Variants in BMP8A observed in about 807,000 individuals in gnomAD.
The protein encoded by BMP8A is bone morphogenetic protein 8a, also known as BMP-8A.
BMP8A carries 14 observed loss-of-function variants against 36.8 expected under a neutral mutation model. That is an observed-to-expected ratio of 0.38 (90% CI 0.25 to 0.60). The LOEUF (loss-of-function observed/expected upper bound fraction) is 0.60, where lower values mean the gene tolerates loss of function less well. Ranked by LOEUF, BMP8A falls within the 20% of genes least tolerant of loss-of-function variation. The pLI is 0.63. For synonymous variants in BMP8A, 120 were observed against 237.7 expected (o/e 0.50, Z 4.55); for missense variants, 267 against 551.1 (o/e 0.48, Z 5.16).
intron 1 of BMP8A, among the ~76,000 whole-genome samples, chr1:39,503,586 G>A (rs1645272390): frequency 7.1e-6 from 1 of 141,004 alleles, no homozygotes; most frequent in Non-Finnish European, 1.5e-5. Context: ...GCAATCTTGG[G>A]TCACTGCAAC....
At chr1:39,508,037 A>G (rs1247027634) in intron 1 of BMP8A, among the ~76,000 whole-genome samples, 2 of 152,138 alleles carry the variant, frequency 1.3e-5, no homozygotes, top group Non-Finnish European at 2.9e-5. Context: ...AGATCACAAG[A>G]TCAGGAGATC....
At chr1:39,497,884 G>C (rs1397873597) in intron 1 of BMP8A, among the ~76,000 whole-genome samples, 1 of 152,180 alleles carries the variant, frequency 6.6e-6, no homozygotes, top group East Asian at 1.9e-4. Flanking sequence ...GCCAACAATG[G>C]GTGCCATAGC....
rs910254475 is a variant in BMP8A at position 39,523,643 on chromosome 1, T to C, written c.1059+526T>C. On this transcript the variant is annotated intron_variant, in intron 6 of 6. Transcript: ENST00000331593. ...TTTTTCCCGCAGTTTCTCTCTTGGC[T>C]GTCTGTGTTTTCTCTGGATCCCCTG... 207 of 1,451,882 alleles carry C rather than the reference T, an allele frequency of 1.4e-4. 2 individuals are homozygous for C. The highest frequency in any genetic ancestry group is 5.4e-4 in the Middle Eastern group (3 of 5,582). 89.9% of individuals were successfully genotyped at this position (1,451,882 alleles called of 1,614,324 possible).
At position 39,491,997 on chromosome 1, in the gene BMP8A, C is replaced by G. The variant is rs148153508; in HGVS notation, c.6C>G (p.Ala2=). Residue 2 remains alanine, a synonymous_variant, in exon 1 of 7, where the codon GCC becomes GCG. Transcript: ENST00000331593. M[A]ARPGPLWLLG... The stretch of plus-strand genomic sequence containing the variant: ...CTGAGCGCCCCCGGCCCGCCATGGC[C>G]GCGCGCCCCGGACCGCTCTGGCTTC... 0.08 allele frequency: 86,435 copies of G among 1,082,310 alleles called. 4,340 individuals are homozygous for G. The highest frequency in any genetic ancestry group is 0.23 in the African/African-American group (13,784 of 59,214). The allele number at this position is 1,082,310 out of a possible 1,614,324, so 67.0% of individuals were successfully genotyped here.
intron 1 of BMP8A, among the ~76,000 whole-genome samples, chr1:39,506,041 A>G (rs573593814): frequency 6.6e-6 from 1 of 151,100 alleles, no homozygotes; most frequent in Non-Finnish European, 1.5e-5. Flanking sequence ...AGACTGAGGA[A>G]CAGTCAGATC....
chr1:39,518,388 TGGG>T (rs1402397698), intron 3 of BMP8A, among the ~76,000 whole-genome samples: 1 of 124,904 alleles, frequency 8.0e-6, no homozygotes, highest in Non-Finnish European at 1.7e-5. Flanking sequence ...TGGCTGGGGT[TGGG>T]GGCTTGAAAT....
In BMP8A at chr1:39,524,141, CA is replaced by C. The variant is rs776485483; in HGVS notation, c.1059+1025del. Among the ~76,000 whole-genome samples the C allele has an allele frequency of 9.2e-5, 14 of 152,288 alleles. No individual in the cohort carries two copies. The East Asian group carries it at 1.4e-3, about 15-fold the overall frequency. On this transcript the variant is annotated intron_variant, in intron 6 of 6. Coordinates refer to ENST00000331593, the MANE Select transcript of BMP8A (RefSeq NM_181809.4). The surrounding 1 kb of genome is among the most constrained non-coding windows in gnomAD (Gnocchi z 4.0). ...CTGGAGCCATCTCCTTGGAAAGGCCCAGGGGTGATGAGGACGCGTGGGGTGG... is the reference window on the plus strand; with the variant it reads ...CTGGAGCCATCTCCTTGGAAAGGCCCGGGGTGATGAGGACGCGTGGGGTGG...
intron 3 of BMP8A, chr1:39,515,535 G>T: frequency 8.0e-7 from 1 of 1,253,176 alleles, no homozygotes; most frequent in Non-Finnish European, 1.1e-6. Context: ...GGAGTTCAAC[G>T]GCGACCACTT....
chr1:39,508,529 G>A (rs547150779), intron 1 of BMP8A, among the ~76,000 whole-genome samples: 1 of 152,318 alleles, frequency 6.6e-6, no homozygotes, highest in Non-Finnish European at 1.5e-5. Flanking sequence ...TCGGGACTGG[G>A]ACCAGGAGCC....
intron 3 of BMP8A, chr1:39,515,844 T>A: frequency 1.3e-6 from 2 of 1,585,260 alleles, no homozygotes; most frequent in South Asian, 2.2e-5. Flanking sequence ...ACGCGCATCA[T>A]CAGACGCGCA....
rs1321086140 is a variant in BMP8A, at chr1:39,522,881, C to T, written c.949-126C>T. 10 of 977,130 alleles carry T rather than the reference C, an allele frequency of 1.0e-5. No individual in the cohort carries two copies. The East Asian group carries it at 1.3e-4, about 12-fold the overall frequency. 60.5% of individuals were successfully genotyped at this position (977,130 alleles called of 1,614,324 possible). ...TGAGCTCCTGCCCAGCCTTTTCCGC[C>T]GGGGGTTCCTGGGTGGATTCAAGCC... On this transcript the variant is annotated intron_variant, in intron 5 of 6. Coordinates refer to ENST00000331593, the MANE Select transcript of BMP8A (RefSeq NM_181809.4).
intron 3 of BMP8A, chr1:39,515,846 A>G: frequency 1.9e-6 from 3 of 1,584,864 alleles, no homozygotes; most frequent in South Asian, 1.1e-5. Flanking sequence ...GCGCATCATC[A>G]GACGCGCAGC....
At chr1:39,519,758 T>G (rs1008365743) in intron 3 of BMP8A, among the ~76,000 whole-genome samples, 2 of 151,454 alleles carry the variant, frequency 1.3e-5, no homozygotes, top group African/African-American at 4.8e-5. Flanking sequence ...TAAATACATC[T>G]GTGTGTGTGA....
chr1:39,510,963 G>A (rs565446645), intron 1 of BMP8A, among the ~76,000 whole-genome samples: 2 of 152,180 alleles, frequency 1.3e-5, no homozygotes, highest in African/African-American at 4.8e-5. Flanking sequence ...CTCAGGGTGA[G>A]CCTGGCTGCA....
At position 39,524,793 on chromosome 1, in the gene BMP8A, GA is replaced by G; in HGVS notation, c.1060-854del. The stretch of plus-strand genomic sequence containing the variant: ...GGGGAGGCTGATGGTCGCGGGAGTG[GA>G]AGGCAGAGGAGCAGGGGATGAGTGA... On this transcript the variant is annotated intron_variant, in intron 6 of 6. Coordinates refer to ENST00000331593, the MANE Select transcript of BMP8A (RefSeq NM_181809.4). This position sits in a 1 kb window ranked among gnomAD's most constrained non-coding sequence, Gnocchi z 4.0. 1 of 152,716 alleles carries G rather than the reference GA, an allele frequency of 6.5e-6. No individual in the cohort carries two copies. The highest frequency in any genetic ancestry group is 1.5e-5 in the Non-Finnish European group (1 of 68,358). The allele number at this position is 152,716 out of a possible 1,614,324, so 9.5% of individuals were successfully genotyped here.
At chr1:39,498,557 G>A (rs1645225625) in intron 1 of BMP8A, among the ~76,000 whole-genome samples, 2 of 152,178 alleles carry the variant, frequency 1.3e-5, no homozygotes, top group Non-Finnish European at 2.9e-5. Flanking sequence ...AGCCAGTGAT[G>A]AGACCCAGCT....
chr1:39,525,397 T>C (rs2124385148), intron 6 of BMP8A, among the ~76,000 whole-genome samples: 1 of 152,230 alleles, frequency 6.6e-6, no homozygotes, highest in East Asian at 1.9e-4. Context: ...CCCTCATTAG[T>C]GCCCTGCCCA....
intron 1 of BMP8A, 125 bp downstream of exon 1, chr1:39,492,450 G>T (rs1378192564): frequency 6.7e-6 from 9 of 1,348,044 alleles, no homozygotes; most frequent in Non-Finnish European, 8.5e-6. Context: ...CGAACCACAG[G>T]GGAGTGGGAC....
chr1:39,492,496 C>T (rs1395002858), intron 1 of BMP8A, among the ~76,000 whole-genome samples, 171 bp downstream of exon 1: 1 of 152,170 alleles, frequency 6.6e-6, no homozygotes, highest in Non-Finnish European at 1.5e-5. Flanking sequence ...GTCATGGGGG[C>T]CCCCTGGGCT....
Sources: gnomAD v4.1 joint callset for allele counts (sites outside exome capture counted in the v4.1 genomes callset) on GRCh38, gnomAD v4.1.1 for gene constraint, Gnocchi (gnomAD v3.1) non-coding constraint, MANE v1.5 for transcripts, NCBI Gene and HGNC (gene_info 2026-07-23, HGNC 2026-07-21) for gene names.